CUX1: variants seen among roughly 807,000 people sequenced by gnomAD.
CUX1 encodes protein CASP.
In CUX1, 31 loss-of-function variants were observed where a neutral mutation model predicts 158.8. The ratio of observed to expected loss-of-function variants is 0.20; its 90% CI spans 0.15 to 0.26. The LOEUF is 0.26. Among genes scored for constraint, CUX1 ranks in the 10% least tolerant of loss-of-function variants. CUX1 has a pLI of 1.00. For synonymous variants in CUX1, 879 were observed against 862.1 expected (o/e 1.02, Z -0.34); for missense variants, 1,589 against 2,014.6 (o/e 0.79, Z 4.04).
intron 8 of CUX1, among the ~76,000 whole-genome samples, chr7:102,150,136 T>G (rs1179014886): frequency 6.6e-6 from 1 of 152,114 alleles, no homozygotes; most frequent in Non-Finnish European, 1.5e-5. Context: ...ATTGGTGGGT[T>G]TTTTTTGTTT....
chr7:101,877,679 T>A (rs1378115311), intron 1 of CUX1, among the ~76,000 whole-genome samples: 1 of 152,044 alleles, frequency 6.6e-6, no homozygotes, highest in Non-Finnish European at 1.5e-5. Flanking sequence ...AGAACGAGAC[T>A]CTGTTTCCAA....
chr7:101,959,862 G>A (rs1810256427), intron 2 of CUX1, among the ~76,000 whole-genome samples: 1 of 152,098 alleles, frequency 6.6e-6, no homozygotes, highest in East Asian at 1.9e-4. Flanking sequence ...TTTAAACATA[G>A]TTACATGTTT....
chr7:101,975,854 A>G (rs1021213590), intron 2 of CUX1, among the ~76,000 whole-genome samples: 2 of 152,150 alleles, frequency 1.3e-5, no homozygotes, highest in Non-Finnish European at 2.9e-5. Context: ...AAGAGCATGA[A>G]TTAAGGCCGG....
At position 102,248,957 on chromosome 7, in the gene CUX1, A is replaced by T; in HGVS notation, c.4433A>T (p.Lys1478Met). The T allele has an allele frequency of 6.7e-7, 1 of 1,483,516 alleles. No homozygotes were observed. The highest frequency in any genetic ancestry group is 9.0e-7 in the Non-Finnish European group (1 of 1,111,644). 91.9% of individuals were successfully genotyped at this position (1,483,516 alleles called of 1,614,324 possible). The change falls in exon 24 of 24, where the codon AAG becomes ATG. Residue 1478 changes from lysine to methionine, a missense_variant. Physicochemically the swap from Lys to Met is moderately conservative, Grantham distance 95 (BLOSUM62 -1). Transcript: ENST00000292535. This position sits in a 1 kb window ranked among gnomAD's most constrained non-coding sequence, Gnocchi z 5.8. ...GACTCGCGCGACAACCCCCTGCGCAAGAAGAAGGCCGCGAACTTGAACAGC... is the reference window on the plus strand; with the variant it reads ...GACTCGCGCGACAACCCCCTGCGCATGAAGAAGGCCGCGAACTTGAACAGC... ...ARDSRDNPLR[K>M]KKAANLNSII...
chr7:102,281,729 C>A, intron 20 of CUX1: 1 of 736,506 alleles, frequency 1.4e-6, no homozygotes. Context: ...CCCCAGCTTC[C>A]TGTCCCTTCC....
chr7:102,095,202 C>T (rs2130886297), intron 4 of CUX1, among the ~76,000 whole-genome samples: 1 of 152,034 alleles, frequency 6.6e-6, no homozygotes, highest in African/African-American at 2.4e-5. Context: ...TAGAGACAGG[C>T]TTTCACCATG....
Position 102,248,760 on chromosome 7 carries a change from C to T in CUX1, c.4236C>T (p.Ala1412=). The change falls in exon 24 of 24, where the codon GCC becomes GCT. Residue 1412 remains alanine (A), a synonymous_variant. Coordinates refer to ENST00000292535, the MANE Select transcript of CUX1 (RefSeq NM_181552.4). The surrounding 1 kb of genome is among the most constrained non-coding windows in gnomAD (Gnocchi z 5.8). The part of the protein sequence containing the change: ...LPSPASATAT[A]APAAPEDAAT... ...GCCCCGCCTCCGCGACCGCCACCGC[C>T]GCGCCCGCGGCCCCCGAGGACGCCG... The T allele has an allele frequency of 9.7e-7, 1 of 1,035,066 alleles. No homozygotes were observed. The highest frequency in any genetic ancestry group is 1.7e-5 in the African/African-American group (1 of 57,304). The allele number at this position is 1,035,066 out of a possible 1,614,324, so 64.1% of individuals were successfully genotyped here.
At position 102,250,278 on chromosome 7, in the gene CUX1, G is replaced by C; in HGVS notation, c.*1236G>C. ...ATTGAAAGAAAGGAGAGAGTAGTCC[G>C]GGCGAGCACAGCAGGCAGTTCCAGG... On this transcript the variant is annotated 3_prime_UTR_variant, in exon 24 of 24. Transcript: ENST00000292535. 1.0e-6 allele frequency: 1 copy of C among 985,348 alleles called. No individual in the cohort carries two copies. The highest frequency in any genetic ancestry group is 1.2e-6 in the Non-Finnish European group (1 of 829,970). 61.0% of individuals were successfully genotyped at this position (985,348 alleles called of 1,614,324 possible).
chr7:101,868,744 C>G (rs1798177922), intron 1 of CUX1, among the ~76,000 whole-genome samples: 1 of 152,212 alleles, frequency 6.6e-6, no homozygotes, highest in African/African-American at 2.4e-5. Flanking sequence ...CAGGGCAGAG[C>G]TGGCTGTAGG....
In CUX1 at chr7:101,941,807, C is replaced by T. The variant is rs576609045; in HGVS notation, c.141+25582C>T. ...TAATTACCCCACGAAAGCCTTTGGA[C>T]GCACGGGTTATGAGGGGCATTTTGC... is the stretch of plus-strand genomic sequence containing the variant. On this transcript the variant is annotated intron_variant, in intron 2 of 23. Coordinates refer to ENST00000292535, the MANE Select transcript of CUX1 (RefSeq NM_181552.4). 3.7e-4 allele frequency among the ~76,000 whole-genome samples: 57 copies of T among 152,200 alleles called. 1 individual carries two copies. The highest frequency in any genetic ancestry group is 1.2e-3 in the Admixed American group (18 of 15,284).
chr7:101,935,124 C>A (rs992481995), intron 2 of CUX1, among the ~76,000 whole-genome samples: 25 of 152,122 alleles, frequency 1.6e-4, no homozygotes, highest in Non-Finnish European at 3.5e-4. Context: ...CATTCCACCA[C>A]AAAAGAAGTG....
intron 21 of CUX1, 109 bp from the exon 22 acceptor site, chr7:102,233,943 C>A: frequency 2.4e-6 from 2 of 849,322 alleles, no homozygotes; most frequent in Non-Finnish European, 1.7e-6. Context: ...ACCAGCCCAA[C>A]CCTGAGCCTT....
At chr7:101,878,958 CACT>C (rs1799437730) in intron 1 of CUX1, among the ~76,000 whole-genome samples, 2 of 152,228 alleles carry the variant, frequency 1.3e-5, no homozygotes, top group Non-Finnish European at 2.9e-5. Context: ...AGGCATGAGC[CACT>C]GCACCCAGTC....
intron 2 of CUX1, among the ~76,000 whole-genome samples, chr7:101,967,024 A>AT: frequency 6.6e-6 from 1 of 151,880 alleles, no homozygotes; most frequent in African/African-American, 2.4e-5. Flanking sequence ...ATTTTATTTT[A>AT]TTTTGGTGAG....
chr7:102,021,857 G>A (rs962644261), intron 2 of CUX1, among the ~76,000 whole-genome samples: 6 of 152,180 alleles, frequency 3.9e-5, no homozygotes, highest in African/African-American at 4.8e-5. Flanking sequence ...CACCACACCC[G>A]GCCCAGATAT....
intron 23 of CUX1, among the ~76,000 whole-genome samples, chr7:102,243,586 G>A (rs1800450166): frequency 6.6e-6 from 1 of 150,624 alleles, no homozygotes. Flanking sequence ...GATGGTTTGA[G>A]GCCAGGAGTT....
chr7:102,191,278 G>A (rs545068283), intron 12 of CUX1, among the ~76,000 whole-genome samples: 5 of 152,330 alleles, frequency 3.3e-5, no homozygotes, highest in Non-Finnish European at 7.3e-5. Context: ...TTGTTGCCCA[G>A]GCTGGAGTGC....
intron 8 of CUX1, among the ~76,000 whole-genome samples, chr7:102,128,416 C>T (rs1229668133): frequency 4.0e-5 from 6 of 151,790 alleles, no homozygotes; most frequent in African/African-American, 1.5e-4. Context: ...CCAGGCAGGA[C>T]GGAGGAGCTG....
Position 102,031,793 on chromosome 7 carries a change from A to AT in CUX1, c.189+3648_189+3649insT, listed in dbSNP as rs899023339. 1.1e-3 allele frequency among the ~76,000 whole-genome samples: 165 copies of AT among 152,300 alleles called. 1 individual carries two copies. Among genetic ancestry groups the AT allele is most frequent in the African/African-American group, 3.9e-3 (161 of 41,570 alleles). ...TCTTTTTCATGTGTGTGGCAGGAGC[A>AT]GCTAAGATCTCATTTAGCAGAAATC... On this transcript the variant is annotated intron_variant, in intron 3 of 23. Transcript: ENST00000292535.
Sources: gnomAD v4.1 joint callset for allele counts (sites outside exome capture counted in the v4.1 genomes callset) on GRCh38, gnomAD v4.1.1 for gene constraint, Gnocchi (gnomAD v3.1) non-coding constraint, MANE v1.5 for transcripts, NCBI Gene and HGNC (gene_info 2026-07-23, HGNC 2026-07-21) for gene names.